Variants in HIBCH observed in about 807,000 individuals in gnomAD.
HIBCH encodes the protein 3-hydroxyisobutyryl-CoA hydrolase.
A neutral mutation model predicts 58.2 loss-of-function variants in HIBCH; 50 were observed. The observed-to-expected ratio is 0.86, with a 90% CI of 0.68 to 1.09. The LOEUF is 1.09. Ranked by LOEUF, HIBCH falls within the 50% of genes least tolerant of loss-of-function variation. The probability of loss-of-function intolerance (pLI) is 0.00; values close to 1 mark genes in which losing one functional copy is unlikely to be tolerated. For missense variants in HIBCH, 450 were observed against 449.7 expected (o/e 1.00, Z -0.01); for synonymous variants, 151 against 146.9 (o/e 1.03, Z -0.20).
chr2:190,191,099 T>C (rs1342553408), intron 1 of HIBCH, among the ~76,000 whole-genome samples: 2 of 152,182 alleles, frequency 1.3e-5, no homozygotes, highest in Non-Finnish European at 2.9e-5. Flanking sequence ...TTGTCAACTT[T>C]TGGCAATTAT....
chr2:190,272,364 T>TA (rs1409050845), intron 6 of HIBCH, among the ~76,000 whole-genome samples: 1 of 152,204 alleles, frequency 6.6e-6, no homozygotes, highest in Non-Finnish European at 1.5e-5. Flanking sequence ...AGCCTCTAGT[T>TA]AGTTTCGAAG....
chr2:190,309,449 AT>A (rs1168294501), intron 2 of HIBCH, among the ~76,000 whole-genome samples: 1 of 152,050 alleles, frequency 6.6e-6, no homozygotes, highest in Non-Finnish European at 1.5e-5. Context: ...AATAAAATTT[AT>A]TTCTTCCTTA....
chr2:190,299,657 T>C (rs949455969), intron 2 of HIBCH, among the ~76,000 whole-genome samples: 1 of 152,138 alleles, frequency 6.6e-6, no homozygotes, highest in African/African-American at 2.4e-5. Context: ...TAGGAAACAG[T>C]GTTAAGGTTT....
chr2:190,284,570 TTTATAC>T (rs1340067096), intron 6 of HIBCH, among the ~76,000 whole-genome samples: 1 of 152,218 alleles, frequency 6.6e-6, no homozygotes, highest in Admixed American at 6.5e-5. Context: ...TTATTTTATA[TTTATAC>T]TAAATAACGA....
At chr2:190,200,253 A>T, downstream of HIBCH, 3 of 911,278 alleles carry the variant, frequency 3.3e-6, no homozygotes, top group South Asian at 3.2e-5. Context: ...TGGATTTAAA[A>T]ATGTGTCTAC....
chr2:190,270,365 T>A (rs956555623), intron 6 of HIBCH, among the ~76,000 whole-genome samples: 2 of 151,594 alleles, frequency 1.3e-5, no homozygotes, highest in African/African-American at 4.9e-5. Context: ...CCTCAACGCA[T>A]AAACACAGAC....
At chr2:190,286,324 G>A (rs1687826166) in intron 6 of HIBCH, among the ~76,000 whole-genome samples, 1 of 152,126 alleles carries the variant, frequency 6.6e-6, no homozygotes, top group Non-Finnish European at 1.5e-5. Flanking sequence ...ATTGTTCACT[G>A]AACTTACACA....
rs149510787 is a variant in HIBCH, at chr2:190,238,758, C to T, written c.891+6129G>A. 5.5e-3 allele frequency among the ~76,000 whole-genome samples: 842 copies of T among 152,280 alleles called. 8 individuals carry two copies. Among genetic ancestry groups the T allele is most frequent in the African/African-American group, 0.019 (802 of 41,556 alleles). On this transcript the variant is annotated intron_variant, in intron 11 of 13. Transcript: ENST00000359678. ...GATTACAGGCGTGAGCCACCACGCC[C>T]GGCCACAAACGTCTTCTTTTGAGAA...
chr2:190,223,646 G>C (rs1380869902), intron 11 of HIBCH, among the ~76,000 whole-genome samples: 1 of 152,200 alleles, frequency 6.6e-6, no homozygotes, highest in Non-Finnish European at 1.5e-5. Flanking sequence ...TCTTAGAGGA[G>C]GCAGGAAAGG....
chr2:190,266,779 CAG>C (rs1021022196), intron 6 of HIBCH, among the ~76,000 whole-genome samples: 6 of 151,272 alleles, frequency 4.0e-5, no homozygotes, highest in African/African-American at 1.5e-4. Flanking sequence ...ATTTTTGAGA[CAG>C]AGTCCTGCTT....
intron 6 of HIBCH, 124 bp downstream of exon 6, chr2:190,287,462 C>T (rs1687860049): frequency 1.4e-6 from 1 of 723,084 alleles, no homozygotes; most frequent in South Asian, 1.7e-5. Context: ...ATCCAAAATC[C>T]ACACAATTAT....
At chr2:190,249,373 C>A (rs990158619) in intron 9 of HIBCH, among the ~76,000 whole-genome samples, 1 of 152,090 alleles carries the variant, frequency 6.6e-6, no homozygotes, top group Admixed American at 6.5e-5. Flanking sequence ...ATGCCAAAAC[C>A]CTTGCAAAGA....
intron 11 of HIBCH, chr2:190,213,866 G>A (rs1052820735): frequency 1.3e-5 from 2 of 152,226 alleles, no homozygotes; most frequent in African/African-American, 4.8e-5. Flanking sequence ...TGCACTAGGA[G>A]GTTAAGTTGC....
intron 2 of HIBCH, among the ~76,000 whole-genome samples, chr2:190,307,677 C>CA (rs1372348610): frequency 6.0e-5 from 9 of 150,306 alleles, no homozygotes; most frequent in African/African-American, 9.8e-5. Context: ...CAATAACAAA[C>CA]AAAAAAAGAG....
chr2:190,281,344 C>T lies in HIBCH; in HGVS notation c.438+6242G>A, dbSNP rs1332406458. Among the ~76,000 whole-genome samples, 1 of 152,298 alleles carries T rather than the reference C, an allele frequency of 6.6e-6. No homozygotes were observed. Among genetic ancestry groups the T allele is most frequent in the South Asian group, 2.1e-4 (1 of 4,824 alleles). Reference sequence around the variant, plus strand: ...GCTTATATCTTCTGGAGCTGCAGGTCAAGCTGTACCTGGGGCACTTGAGCC... The same window carrying T: ...GCTTATATCTTCTGGAGCTGCAGGTTAAGCTGTACCTGGGGCACTTGAGCC... On this transcript the variant is annotated intron_variant, in intron 6 of 13. Coordinates refer to ENST00000359678, the MANE Select transcript of HIBCH (RefSeq NM_014362.4). The surrounding 1 kb of genome is among the most constrained non-coding windows in gnomAD (Gnocchi z 5.4).
At chr2:190,252,459 A>G (rs1436268027) in intron 7 of HIBCH, 152 bp from the exon 8 acceptor site, 23 of 708,480 alleles carry the variant, frequency 3.2e-5, no homozygotes, top group South Asian at 2.8e-4. Context: ...ACTGCAATCA[A>G]TATCACAAAA....
rs140314873 is a variant in HIBCH at position 190,224,115 on chromosome 2, C to A, written c.892-11040G>T. 4.0e-3 allele frequency among the ~76,000 whole-genome samples: 611 copies of A among 152,332 alleles called. 1 individual carries two copies. Among genetic ancestry groups the A allele is most frequent in the African/African-American group, 0.014 (564 of 41,568 alleles). The stretch of plus-strand genomic sequence containing the variant: ...GCACACCAGGAGATTATATCCTGCA[C>A]CTGGCTCAGAGGGTCCCATGCCCAC... On this transcript the variant is annotated intron_variant, in intron 11 of 13. Transcript: ENST00000359678.
At chr2:190,223,596 T>C (rs1685794962) in intron 11 of HIBCH, among the ~76,000 whole-genome samples, 1 of 152,046 alleles carries the variant, frequency 6.6e-6, no homozygotes, top group Non-Finnish European at 1.5e-5. Context: ...GAAGGCAAAA[T>C]TGAAGAAACT....
At position 190,266,181 on chromosome 2, in the gene HIBCH, G is replaced by T. The variant is rs117960071; in HGVS notation, c.439-4947C>A. 4.8e-4 allele frequency among the ~76,000 whole-genome samples: 73 copies of T among 152,142 alleles called. No homozygotes were observed. In the East Asian group the frequency reaches 0.014, roughly 29 times the overall value. On this transcript the variant is annotated intron_variant, in intron 6 of 13. Transcript: ENST00000359678. ...AAGATGAATTCCAAGGCCTATTTTG[G>T]CAAGTGTTTCATACACACATGAAAT...
Sources: allele counts gnomAD v4.1 joint callset (sites outside exome capture counted in the v4.1 genomes callset), GRCh38; gene constraint gnomAD v4.1.1; non-coding constraint Gnocchi (gnomAD v3.1); transcripts MANE v1.5; gene names NCBI Gene and HGNC (gene_info 2026-07-23, HGNC 2026-07-21).